RETREG3: variants seen among roughly 807,000 people sequenced by gnomAD.
RETREG3 encodes reticulophagy regulator 3.
In RETREG3, 23 loss-of-function variants were observed where a neutral mutation model predicts 50.2. That is an observed-to-expected ratio of 0.46 (90% confidence interval 0.33 to 0.65). The LOEUF (loss-of-function observed/expected upper bound fraction) is 0.65, where lower values mean the gene tolerates loss of function less well. Among genes scored for constraint, RETREG3 ranks in the 30% least tolerant of loss-of-function variants. RETREG3 has a pLI of 0.02. For synonymous variants in RETREG3, 240 were observed against 234.4 expected (o/e 1.02, Z -0.22); for missense variants, 546 against 598.0 (o/e 0.91, Z 0.91).
chr17:42,584,471 G>A (rs1264995382), intron 6 of RETREG3, among the ~76,000 whole-genome samples: 1 of 152,034 alleles, frequency 6.6e-6, no homozygotes, highest in Non-Finnish European at 1.5e-5. Context: ...ATCACCTTTG[G>A]GAGGCAGCTT....
intron 1 of RETREG3, among the ~76,000 whole-genome samples, chr17:42,605,905 C>T (rs1238250140): frequency 6.7e-6 from 1 of 148,724 alleles, no homozygotes; most frequent in African/African-American, 2.5e-5. Flanking sequence ...GTGGGAGAAT[C>T]GCTTGAACTT....
rs908215931 is a variant in RETREG3, at chr17:42,588,012, T to C, written c.347-148A>G. The C allele has an allele frequency of 9.3e-6, 8 of 857,418 alleles. No homozygotes were observed. In the African/African-American group the frequency reaches 1.0e-4, roughly 11 times the overall value. The allele number at this position is 857,418 out of a possible 1,614,324, so 53.1% of individuals were successfully genotyped here. On this transcript the variant is annotated intron_variant, in intron 2 of 8. Transcript: ENST00000309428. ...TAAAAAAGGAGACACTGTGTTATACTGCCAGTTAGGGAGCTGCAGACAAGG... is the reference window on the plus strand; with the variant it reads ...TAAAAAAGGAGACACTGTGTTATACCGCCAGTTAGGGAGCTGCAGACAAGG...
chr17:42,581,765 G>A lies in RETREG3; in HGVS notation c.*48C>T. 1 of 1,490,562 alleles carries A rather than the reference G, an allele frequency of 6.7e-7. No individual in the cohort carries two copies. Among genetic ancestry groups the A allele is most frequent in the South Asian group, 1.3e-5 (1 of 74,210 alleles). The allele number at this position is 1,490,562 out of a possible 1,614,324, so 92.3% of individuals were successfully genotyped here. A position where few individuals can be genotyped will look rare whatever the true frequency, so the allele number is the denominator to read the frequency against. On this transcript the variant is annotated 3_prime_UTR_variant, in exon 9 of 9. Coordinates refer to ENST00000309428, the MANE Select transcript of RETREG3 (RefSeq NM_178126.4). The stretch of plus-strand genomic sequence containing the variant: ...TTGCCCCATCACCTTAAGTGGGATG[G>A]GGAGAAAAAAACCTAAACCACAGTG...
In RETREG3 at chr17:42,581,540, A is replaced by G. The variant is rs977054298; in HGVS notation, c.*273T>C. ...CAAAGGGGAACCAATATCCCTGACT[A>G]TTTTGTTCCCCCAAAGTACCATCCT... On this transcript the variant is annotated 3_prime_UTR_variant, in exon 9 of 9. Coordinates refer to ENST00000309428, the MANE Select transcript of RETREG3 (RefSeq NM_178126.4). 4 of 385,494 alleles carry G rather than the reference A, an allele frequency of 1.0e-5. No homozygotes were observed. The highest frequency in any genetic ancestry group is 6.2e-5 in the African/African-American group (3 of 48,392). The allele number at this position is 385,494 out of a possible 1,614,324, so 23.9% of individuals were successfully genotyped here.
chr17:42,588,253 T>G (rs2093125167), intron 2 of RETREG3, among the ~76,000 whole-genome samples: 1 of 152,260 alleles, frequency 6.6e-6, no homozygotes, highest in African/African-American at 2.4e-5. Flanking sequence ...GAAATCCACC[T>G]GTTGTGTTTA....
chr17:42,581,765 G>GC lies in RETREG3; in HGVS notation c.*47_*48insG. 1 of 1,490,562 alleles carries GC rather than the reference G, an allele frequency of 6.7e-7. No homozygotes were observed. The highest frequency in any genetic ancestry group is 9.0e-7 in the Non-Finnish European group (1 of 1,110,812). 92.3% of individuals were successfully genotyped at this position (1,490,562 alleles called of 1,614,324 possible). ...TTGCCCCATCACCTTAAGTGGGATG[G>GC]GGAGAAAAAAACCTAAACCACAGTG... On this transcript the variant is annotated 3_prime_UTR_variant, in exon 9 of 9. Coordinates refer to ENST00000309428, the MANE Select transcript of RETREG3 (RefSeq NM_178126.4).
chr17:42,601,772 T>C (rs1388113050), intron 1 of RETREG3, among the ~76,000 whole-genome samples: 1 of 150,818 alleles, frequency 6.6e-6, no homozygotes, highest in Non-Finnish European at 1.5e-5. Context: ...TAGCTGGGAT[T>C]ACAGGCATGC....
intron 1 of RETREG3, among the ~76,000 whole-genome samples, chr17:42,607,451 G>T (rs1286994417): frequency 1.5e-5 from 2 of 132,524 alleles, no homozygotes; most frequent in Non-Finnish European, 3.1e-5. Flanking sequence ...AATGAGCCGA[G>T]ATCATACCAC....
At chr17:42,589,228 G>C (rs888514766) in intron 2 of RETREG3, among the ~76,000 whole-genome samples, 1 of 152,076 alleles carries the variant, frequency 6.6e-6, no homozygotes, top group Non-Finnish European at 1.5e-5. Flanking sequence ...TATAAAATAT[G>C]ATGGGCATGT....
intron 5 of RETREG3, 124 bp from the exon 6 acceptor site, chr17:42,585,386 C>G: frequency 2.2e-6 from 3 of 1,361,064 alleles, no homozygotes; most frequent in Non-Finnish European, 2.9e-6. Context: ...CTGCCCAAGT[C>G]TGCCAGTCAT....
chr17:42,595,274 C>CT (rs1221557954), intron 1 of RETREG3, among the ~76,000 whole-genome samples: 4 of 149,698 alleles, frequency 2.7e-5, no homozygotes, highest in African/African-American at 7.4e-5. Context: ...GCCTTTTGTA[C>CT]TTTTTTTTTG....
intron 6 of RETREG3, among the ~76,000 whole-genome samples, chr17:42,584,099 C>T (rs768536017): frequency 1.5e-4 from 23 of 152,138 alleles, no homozygotes; most frequent in Non-Finnish European, 2.6e-4. Flanking sequence ...TGAGCCACTG[C>T]GCCCGGCCTG....
At chr17:42,593,401 G>C (rs2093136960) in intron 1 of RETREG3, among the ~76,000 whole-genome samples, 1 of 152,116 alleles carries the variant, frequency 6.6e-6, no homozygotes, top group Non-Finnish European at 1.5e-5. Context: ...TGTAATCCCA[G>C]CACTTTGGGA....
chr17:42,587,955 T>C (rs2093124430), intron 2 of RETREG3, 91 bp from the exon 3 acceptor site: 8 of 1,436,850 alleles, frequency 5.6e-6, no homozygotes, highest in South Asian at 2.3e-5. Context: ...CAAGTTTTAA[T>C]AGGTTGGGGA....
chr17:42,583,436 C>T lies in RETREG3; in HGVS notation c.810+62G>A, dbSNP rs371654573. On this transcript the variant is annotated intron_variant, in intron 7 of 8. Coordinates refer to ENST00000309428, the MANE Select transcript of RETREG3 (RefSeq NM_178126.4). ...TGGTTATGGCCTAAATGTGAGCTGT[C>T]GGATGGTTAAAAGGTAGCTAAAGAA... The T allele has an allele frequency of 2.7e-5, 41 of 1,525,074 alleles. 1 individual carries two copies. The East Asian group carries it at 4.1e-4, about 15-fold the overall frequency. 94.5% of individuals were successfully genotyped at this position (1,525,074 alleles called of 1,614,324 possible). A position where few individuals can be genotyped will look rare whatever the true frequency, so the allele number is the denominator to read the frequency against.
At position 42,596,138 on chromosome 17, in the gene RETREG3, G is replaced by A. The variant is rs1180589936; in HGVS notation, c.240-3976C>T. 5.9e-5 allele frequency among the ~76,000 whole-genome samples: 9 copies of A among 151,808 alleles called. No individual in the cohort carries two copies. The South Asian group carries it at 1.5e-3, about 25-fold the overall frequency. On this transcript the variant is annotated intron_variant, in intron 1 of 8. Transcript: ENST00000309428. ...AATCCCAACACTTTGGGAGGCTGAG[G>A]TGGGAGGATGGCTTGAGCCCAGGAG...
intron 1 of RETREG3, among the ~76,000 whole-genome samples, chr17:42,605,043 G>A (rs1391591746): frequency 2.0e-5 from 3 of 151,468 alleles, no homozygotes; most frequent in Admixed American, 2.0e-4. Flanking sequence ...AGTAATCTAG[G>A]CTGGAAGACC....
intron 4 of RETREG3, chr17:42,586,383 G>T: frequency 2.1e-6 from 1 of 477,408 alleles, no homozygotes; most frequent in Non-Finnish European, 3.7e-6. Context: ...GTTTGAATAG[G>T]ACTTAGCCAA....
chr17:42,593,779 G>C (rs781738988), intron 1 of RETREG3, among the ~76,000 whole-genome samples: 1 of 151,814 alleles, frequency 6.6e-6, no homozygotes, highest in East Asian at 1.9e-4. Flanking sequence ...GATCTATTTT[G>C]GTTTAATATT....
Sources: gnomAD v4.1 joint callset for allele counts (sites outside exome capture counted in the v4.1 genomes callset) on GRCh38, gnomAD v4.1.1 for gene constraint, MANE v1.5 for transcripts, NCBI Gene and HGNC (gene_info 2026-07-23, HGNC 2026-07-21) for gene names.